SRGAP3: variants seen among roughly 807,000 people sequenced by gnomAD.
SRGAP3 encodes SLIT-ROBO Rho GTPase activating protein 3, also known as SLIT-ROBO Rho GTPase-activating protein 3.
Under a neutral mutation model 121.1 loss-of-function variants are expected in SRGAP3, and 39 were observed. The ratio of observed to expected loss-of-function variants is 0.32; its 90% CI spans 0.25 to 0.42. The LOEUF (loss-of-function observed/expected upper bound fraction) is 0.42, where lower values mean the gene tolerates loss of function less well. SRGAP3 is among the 10% of genes least tolerant of loss of function. SRGAP3 has a pLI of 1.00. For missense variants in SRGAP3, 1,213 were observed against 1,470.6 expected (o/e 0.82, Z 2.86); for synonymous variants, 601 against 570.0 (o/e 1.05, Z -0.77).
intron 4 of SRGAP3, among the ~76,000 whole-genome samples, chr3:9,073,824 T>C (rs895494109): frequency 6.6e-6 from 1 of 152,214 alleles, no homozygotes; most frequent in African/African-American, 2.4e-5. Flanking sequence ...ACCACTTGCA[T>C]AAAACAGGAA....
chr3:9,296,780 TGCC>T (rs1291436118), intron 3 of SRGAP3, among the ~76,000 whole-genome samples: 4 of 152,258 alleles, frequency 2.6e-5, no homozygotes, highest in Non-Finnish European at 5.9e-5. Context: ...CTTAACATTG[TGCC>T]TAGCACACAG....
intron 4 of SRGAP3, among the ~76,000 whole-genome samples, chr3:9,078,954 T>G (rs919345158): frequency 6.6e-6 from 1 of 152,146 alleles, no homozygotes; most frequent in Admixed American, 6.5e-5. Context: ...CCGTAGCTTG[T>G]TGGGATCTGA....
rs144292991 is a variant in SRGAP3, at chr3:9,254,935, A to AAAAGAAAG, written n.442+71067_442+71074dup. 5.3e-4 allele frequency among the ~76,000 whole-genome samples: 80 copies of AAAAGAAAG among 150,436 alleles called. No individual in the cohort carries two copies. The South Asian group carries it at 0.01, about 20-fold the overall frequency. On this transcript the variant is annotated intron_variant and non_coding_transcript_variant, in intron 3 of 3. Coordinates refer to the SRGAP3 transcript ENST00000490889. ...GGGAGGGGAAAGAGAGAGAGAAAGA[A>AAAAGAAAG]AAAGAAAGAAAGAAAGAAAGAGAAA...
At chr3:9,314,409 A>C (rs1221341148) in intron 3 of SRGAP3, among the ~76,000 whole-genome samples, 1 of 152,142 alleles carries the variant, frequency 6.6e-6, no homozygotes, top group Non-Finnish European at 1.5e-5. Flanking sequence ...AGAAGAGAGA[A>C]GACAGAAGGG....
At chr3:9,301,169 G>A (rs944514426) in intron 3 of SRGAP3, among the ~76,000 whole-genome samples, 6 of 152,198 alleles carry the variant, frequency 3.9e-5, no homozygotes, top group Non-Finnish European at 8.8e-5. Flanking sequence ...CTGGGATTCT[G>A]CATTTGTAGG....
At chr3:9,096,150 A>G (rs1412792299) in intron 3 of SRGAP3, among the ~76,000 whole-genome samples, 1 of 152,248 alleles carries the variant, frequency 6.6e-6, no homozygotes, top group Non-Finnish European at 1.5e-5. Context: ...ATGATCCAAT[A>G]AATTCAGAAA....
At chr3:9,198,546 T>C (rs1951978653) in intron 1 of SRGAP3, among the ~76,000 whole-genome samples, 1 of 152,220 alleles carries the variant, frequency 6.6e-6, no homozygotes, top group Admixed American at 6.5e-5. Context: ...CTTGAAACTC[T>C]TAATTTTTGA....
chr3:9,037,803 G>A, intron 11 of SRGAP3: 1 of 578,924 alleles, frequency 1.7e-6, no homozygotes. Flanking sequence ...CCAGCGCAAA[G>A]GGAGGGTGCC....
chr3:9,116,167 A>G (rs1177079006), intron 2 of SRGAP3, among the ~76,000 whole-genome samples: 1 of 151,890 alleles, frequency 6.6e-6, no homozygotes. Flanking sequence ...AGAACTCACT[A>G]CCTCCCCAGG....
At chr3:9,051,901 CG>C (rs1455327712) in intron 9 of SRGAP3, among the ~76,000 whole-genome samples, 1 of 151,936 alleles carries the variant, frequency 6.6e-6, no homozygotes, top group East Asian at 1.9e-4. Flanking sequence ...TTAGTAGAGA[CG>C]GGTTTTCACC....
At position 9,144,261 on chromosome 3, in the gene SRGAP3, T is replaced by C. The variant is rs73119192; in HGVS notation, c.68-19344A>G. Among the ~76,000 whole-genome samples, 1,441 of 152,352 alleles carry C rather than the reference T, an allele frequency of 9.5e-3. 22 individuals are homozygous for C. Among genetic ancestry groups the C allele is most frequent in the African/African-American group, 0.033 (1,371 of 41,580 alleles). On this transcript the variant is annotated intron_variant, in intron 1 of 21. Transcript: ENST00000383836. ...TATGTGGCCTGTAAGACCTACGTGG[T>C]GTGGTCTCCACCTCTCTCCATAGCT... is the stretch of plus-strand genomic sequence containing the variant.
chr3:9,310,847 G>C (rs1955228759), intron 3 of SRGAP3, among the ~76,000 whole-genome samples: 1 of 152,124 alleles, frequency 6.6e-6, no homozygotes, highest in Non-Finnish European at 1.5e-5. Context: ...TGAGGTTTTT[G>C]TTACCTGCAA....
At chr3:9,359,705 G>A (rs1489951064) in intron 1 of SRGAP3, among the ~76,000 whole-genome samples, 3 of 152,196 alleles carry the variant, frequency 2.0e-5, no homozygotes, top group Non-Finnish European at 4.4e-5. Context: ...GTCAGAGAAA[G>A]AGATTCTGTT....
intron 10 of SRGAP3, among the ~76,000 whole-genome samples, chr3:9,044,776 A>G (rs748912667): frequency 6.6e-6 from 1 of 152,232 alleles, no homozygotes; most frequent in Non-Finnish European, 1.5e-5. Flanking sequence ...GTTGACACTA[A>G]GAAGGATGAA....
rs989622207 is a variant in SRGAP3, at chr3:9,051,018, T to C, written c.1323+2009A>G. Among the ~76,000 whole-genome samples the C allele has an allele frequency of 2.3e-3, 51 of 21,748 alleles. 1 individual carries two copies. In the South Asian group the frequency reaches 0.039, roughly 17 times the overall value. The allele number at this position is 21,748 out of a possible 152,430, so 14.3% of individuals were successfully genotyped here. On this transcript the variant is annotated intron_variant, in intron 9 of 21. Transcript: ENST00000383836. ...ATCCAATCAATATTAGCCTCATTGC[T>C]TTTTTTTTTTTTTTTTTTTTTTTTT...
intron 1 of SRGAP3, among the ~76,000 whole-genome samples, chr3:9,234,025 GA>G (rs1559231446): frequency 6.6e-6 from 1 of 152,140 alleles, no homozygotes; most frequent in Non-Finnish European, 1.5e-5. Context: ...TTTCAATGGT[GA>G]TATTATGCCA....
chr3:9,354,951 AT>A (rs2125296402), intron 1 of SRGAP3, among the ~76,000 whole-genome samples: 1 of 152,296 alleles, frequency 6.6e-6, no homozygotes, highest in African/African-American at 2.4e-5. Flanking sequence ...ATTTTAGTCA[AT>A]ATTTTCCAAG....
Position 9,015,538 on chromosome 3 carries a change from A to T in SRGAP3, c.1813+59T>A. 6.8e-6 allele frequency: 11 copies of T among 1,607,512 alleles called. No individual in the cohort carries two copies. In the South Asian group the frequency reaches 1.2e-4, roughly 18 times the overall value. On this transcript the variant is annotated intron_variant, in intron 15 of 21. Coordinates refer to ENST00000383836, the MANE Select transcript of SRGAP3 (RefSeq NM_014850.4). ...ATGCCTAGCACAGCAGTAAGCCTGT[A>T]GCTCAACTCCAACAATGATTTGTCA...
At chr3:9,137,416 T>C (rs1446567348) in intron 1 of SRGAP3, among the ~76,000 whole-genome samples, 1 of 151,944 alleles carries the variant, frequency 6.6e-6, no homozygotes, top group Non-Finnish European at 1.5e-5. Context: ...GTGACTGGCA[T>C]CTCCCACACT....
Sources: allele counts gnomAD v4.1 joint callset (sites outside exome capture counted in the v4.1 genomes callset), GRCh38; gene constraint gnomAD v4.1.1; transcripts MANE v1.5; gene names NCBI Gene and HGNC (gene_info 2026-07-23, HGNC 2026-07-21).